CNTLN: variants seen among roughly 807,000 people sequenced by gnomAD.
CNTLN encodes the protein centlein.
A neutral mutation model predicts 180.0 loss-of-function variants in CNTLN; 212 were observed. The ratio of observed to expected loss-of-function variants is 1.18; its 90% CI spans 1.05 to 1.32. The LOEUF is 1.32. Among genes scored for constraint, CNTLN ranks in the 40% most tolerant of loss-of-function variants. CNTLN has a pLI of 0.00. For missense variants in CNTLN, 2,095 were observed against 1,610.9 expected, an observed-to-expected ratio of 1.30 and a Z score of -5.14; for synonymous variants, 722 against 563.1, an observed-to-expected ratio of 1.28 and a Z score of -3.99.
chr9:17,421,901 TTTG>T (rs1453060728), intron 18 of CNTLN, among the ~76,000 whole-genome samples: 1 of 152,152 alleles, frequency 6.6e-6, no homozygotes, highest in Non-Finnish European at 1.5e-5. Context: ...TTTTACAGTT[TTTG>T]TTGTTTATAT....
chr9:17,519,619 A>G, the CNTLN span, among the ~76,000 whole-genome samples: 1 of 152,170 alleles, frequency 6.6e-6, no homozygotes, highest in Non-Finnish European at 1.5e-5. Flanking sequence ...CTTTTTTTAC[A>G]CTTTCTTTGC....
intron 9 of CNTLN, 148 bp downstream of exon 9, chr9:17,330,956 A>G: frequency 1.5e-6 from 1 of 655,052 alleles, no homozygotes; most frequent in Non-Finnish European, 2.5e-6. Flanking sequence ...CTTGTTAAAT[A>G]AGTTTTAGGA....
intron 2 of CNTLN, among the ~76,000 whole-genome samples, chr9:17,146,500 G>A (rs913255879): frequency 2.6e-5 from 4 of 152,066 alleles, no homozygotes; most frequent in African/African-American, 7.2e-5. Flanking sequence ...ATGAGGGCTC[G>A]GCCCTCATAA....
Position 17,466,780 on chromosome 9 carries a change from A to G in CNTLN, c.3744A>G (p.Ala1248=). The G allele has an allele frequency of 6.2e-7, 1 of 1,611,008 alleles. No homozygotes were observed. Among genetic ancestry groups the G allele is most frequent in the Non-Finnish European group, 8.5e-7 (1 of 1,177,958 alleles). ...CAATGGCAGAAATTGAAACAGCAGCATCTAAGCAGCTTCAAGAATTAGCAT... is the reference window on the plus strand; with the variant it reads ...CAATGGCAGAAATTGAAACAGCAGCGTCTAAGCAGCTTCAAGAATTAGCAT... ...ESAMAEIETA[A]SKQLQELALQ... The change falls in exon 23 of 26, where the codon GCA becomes GCG. Residue 1248 remains alanine, a synonymous_variant. Coordinates refer to ENST00000380647, the MANE Select transcript of CNTLN (RefSeq NM_017738.4).
chr9:17,291,264 A>G (rs113976852), intron 6 of CNTLN, among the ~76,000 whole-genome samples: 1,558 of 152,236 alleles, frequency 0.01, 27 homozygotes, highest in African/African-American at 0.035. Flanking sequence ...ATGTGTCGCC[A>G]AGAAGAATAT....
rs1825034057 is a variant in CNTLN, at chr9:17,234,777, GC to G, written c.535-880del. Among the ~76,000 whole-genome samples, 2 of 152,134 alleles carry G rather than the reference GC, an allele frequency of 1.3e-5. 1 individual carries two copies. The highest frequency in any genetic ancestry group is 4.8e-5 in the African/African-American group (2 of 41,436). On this transcript the variant is annotated intron_variant, in intron 3 of 25. Coordinates refer to ENST00000380647, the MANE Select transcript of CNTLN (RefSeq NM_017738.4). ...TGGAGGCTTCCAATAATTGTGTGAG[GC>G]TAGATACTATGTGTTTAATAAATAT... is the stretch of plus-strand genomic sequence containing the variant.
At chr9:17,515,740 A>G in the CNTLN span, among the ~76,000 whole-genome samples, 1 of 152,136 alleles carries the variant, frequency 6.6e-6, no homozygotes, top group Non-Finnish European at 1.5e-5. Context: ...TTTCCACTCC[A>G]GTTCAGACCG....
Position 17,153,201 on chromosome 9 carries a change from T to A in CNTLN, c.449+9825T>A, listed in dbSNP as rs150057777. Among the ~76,000 whole-genome samples, 206 of 152,328 alleles carry A rather than the reference T, an allele frequency of 1.4e-3. 1 individual carries two copies. Among genetic ancestry groups the A allele is most frequent in the African/African-American group, 4.6e-3 (192 of 41,576 alleles). ...ATATGTGAATTTGATCCTGTCATGA[T>A]GTTAGCTGGTTGTTTTGCCCATTAG... On this transcript the variant is annotated intron_variant, in intron 2 of 25. Transcript: ENST00000380647.
At chr9:17,386,888 G>A (rs1406736230) in intron 13 of CNTLN, among the ~76,000 whole-genome samples, 1 of 152,136 alleles carries the variant, frequency 6.6e-6, no homozygotes, top group Non-Finnish European at 1.5e-5. Flanking sequence ...AATTGTATTT[G>A]CATATTATTT....
chr9:17,292,156 G>T (rs1462821662), intron 6 of CNTLN, among the ~76,000 whole-genome samples: 1 of 152,180 alleles, frequency 6.6e-6, no homozygotes, highest in Admixed American at 6.5e-5. Context: ...TAGGGTTTCT[G>T]CTGAGAAGTT....
rs115415027 is a variant in CNTLN at position 17,269,891 on chromosome 9, A to C, written c.850-3842A>C. ...GTGTTTTTGGTTTTTGACTTCATAT[A>C]ATTATATTGTACATTTGTTTTAAGA... On this transcript the variant is annotated intron_variant, in intron 5 of 25. Coordinates refer to ENST00000380647, the MANE Select transcript of CNTLN (RefSeq NM_017738.4). Among the ~76,000 whole-genome samples, 867 of 152,214 alleles carry C rather than the reference A, an allele frequency of 5.7e-3. 10 individuals are homozygous for C. Among genetic ancestry groups the C allele is most frequent in the African/African-American group, 0.02 (832 of 41,542 alleles).
At position 17,492,698 on chromosome 9, in the gene CNTLN, A is replaced by G. The variant is rs191689957; in HGVS notation, c.4119+5632A>G. On this transcript the variant is annotated intron_variant, in intron 25 of 25. Coordinates refer to ENST00000380647, the MANE Select transcript of CNTLN (RefSeq NM_017738.4). ...ATGGCAGTTCCTCCACACATTAAGC[A>G]TAGAGTTACCATATTATCCAGTAAT... 3.3e-5 allele frequency among the ~76,000 whole-genome samples: 5 copies of G among 152,318 alleles called. No homozygotes were observed. In the East Asian group the frequency reaches 9.6e-4, roughly 29 times the overall value.
Position 17,235,755 on chromosome 9 carries a change from T to G in CNTLN, c.632T>G (p.Leu211Trp), listed in dbSNP as rs374609860. The G allele has an allele frequency of 3.1e-6, 5 of 1,603,244 alleles. No individual in the cohort carries two copies. The highest frequency in any genetic ancestry group is 1.4e-5 in the African/African-American group (1 of 73,994). ...NAFLRKEFSD[L>W]EKKFKDKSQE... ...TTCTTAAGGAAAGAATTCAGTGACT[T>G]GGAGAAGAAATTTAAAGATAAAAGT... Residue 211 changes from leucine to tryptophan, a missense_variant, in exon 4 of 26, where the codon TTG (leucine) becomes TGG (tryptophan). Transcript: ENST00000380647.
the CNTLN span, among the ~76,000 whole-genome samples, chr9:17,512,591 G>A: frequency 2.0e-5 from 3 of 151,936 alleles, no homozygotes; most frequent in Admixed American, 1.3e-4. Context: ...AAACCCCAGC[G>A]TTACATAGTA....
At chr9:17,332,016 A>T (rs1369944843) in intron 9 of CNTLN, among the ~76,000 whole-genome samples, 1 of 152,086 alleles carries the variant, frequency 6.6e-6, no homozygotes, top group Non-Finnish European at 1.5e-5. Context: ...CCAGCTTAAT[A>T]GTTGCTTTCA....
At chr9:17,497,098 C>T (rs554864931) in intron 25 of CNTLN, among the ~76,000 whole-genome samples, 2 of 152,220 alleles carry the variant, frequency 1.3e-5, no homozygotes, top group Admixed American at 1.3e-4. Context: ...GAATTCAATT[C>T]CTTTTTGTGC....
chr9:17,269,105 A>C (rs1442136528), intron 5 of CNTLN, among the ~76,000 whole-genome samples: 1 of 152,174 alleles, frequency 6.6e-6, no homozygotes, highest in Non-Finnish European at 1.5e-5. Context: ...ATGGAAATGC[A>C]GAAATCACCT....
chr9:17,191,612 G>A (rs1563864877), intron 2 of CNTLN, among the ~76,000 whole-genome samples: 1 of 152,188 alleles, frequency 6.6e-6, no homozygotes, highest in Non-Finnish European at 1.5e-5. Flanking sequence ...AAGAACCTGA[G>A]TTAGTAATGG....
intron 2 of CNTLN, chr9:17,167,156 G>T (rs1184306241): frequency 1.5e-5 from 3 of 195,334 alleles, no homozygotes; most frequent in African/African-American, 7.2e-5. Context: ...TTTAAAAAAG[G>T]TAAAAGAGCT....
Sources: allele counts gnomAD v4.1 joint callset (sites outside exome capture counted in the v4.1 genomes callset), GRCh38; gene constraint gnomAD v4.1.1; transcripts MANE v1.5; gene names NCBI Gene and HGNC (gene_info 2026-07-23, HGNC 2026-07-21).